BCORL1: variants seen among roughly 807,000 people sequenced by gnomAD.
BCORL1 encodes the protein BCL-6 corepressor-like protein 1.
A neutral mutation model predicts 87.6 loss-of-function variants in BCORL1; 7 were observed. The ratio of observed to expected loss-of-function variants is 0.08; its 90% CI spans 0.05 to 0.15. The LOEUF (loss-of-function observed/expected upper bound fraction) is 0.15, where lower values mean the gene tolerates loss of function less well. BCORL1 is among the 10% of genes least tolerant of loss of function. The probability of loss-of-function intolerance (pLI) is 1.00; values close to 1 mark genes in which losing one functional copy is unlikely to be tolerated. For missense variants in BCORL1, 1,215 were observed against 1,499.7 expected (o/e 0.81, Z 3.13); for synonymous variants, 591 against 634.4 (o/e 0.93, Z 1.03).
At chrX:129,985,949 C>T (rs756795085) in intron 1 of BCORL1, among the ~76,000 whole-genome samples, 48 of 110,622 alleles carry the variant, frequency 4.3e-4, no homozygotes, top group African/African-American at 1.5e-3. Flanking sequence ...TCCTGGGTTC[C>T]GGTGATTCTC....
At chrX:130,035,362 A>G (rs939826797) in intron 9 of BCORL1, among the ~76,000 whole-genome samples, 8 of 112,445 alleles carry the variant, frequency 7.1e-5, no homozygotes, top group African/African-American at 2.6e-4. Flanking sequence ...GTGCCAGGGT[A>G]GGTGGAAGAC....
At chrX:129,997,061 G>A (rs183798341) in intron 1 of BCORL1, among the ~76,000 whole-genome samples, 18 of 111,098 alleles carry the variant, frequency 1.6e-4, no homozygotes, top group African/African-American at 5.6e-4. Flanking sequence ...GCTTGTAATT[G>A]TTGTGAAATC....
intron 8 of BCORL1, 69 bp downstream of exon 8, chrX:130,028,930 TGGGGGA>T: frequency 2.8e-5 from 2 of 71,872 alleles, no homozygotes; most frequent in Admixed American, 2.1e-4. Context: ...AGGAGGGGGG[TGGGGGA>T]TGGGGAGGAT....
intron 10 of BCORL1, among the ~76,000 whole-genome samples, chrX:130,038,484 C>T (rs79590387): frequency 2.9e-5 from 3 of 102,575 alleles, no homozygotes; most frequent in African/African-American, 1.2e-4. Context: ...GTTGCCCCCA[C>T]CTTTTTTTTT....
intron 8 of BCORL1, among the ~76,000 whole-genome samples, chrX:130,029,102 G>A (rs755419660): frequency 8.5e-4 from 95 of 112,126 alleles, no homozygotes; most frequent in Non-Finnish European, 1.4e-3. Context: ...AGTTAAGGAA[G>A]AGTTAAAGAA....
intron 1 of BCORL1, among the ~76,000 whole-genome samples, chrX:129,994,065 C>T (rs1020229465): frequency 5.3e-5 from 6 of 112,754 alleles, no homozygotes; most frequent in East Asian, 2.8e-4. Context: ...GGATTACAGG[C>T]GTGAGCCACC....
In BCORL1 at chrX:130,056,281, C is replaced by T. The variant is rs985243910; in HGVS notation, c.*145C>T. 14 of 608,069 alleles carry T rather than the reference C, an allele frequency of 2.3e-5. No homozygotes were observed. Among genetic ancestry groups the T allele is most frequent in the Admixed American group, 9.6e-5 (2 of 20,774 alleles). 50.1% of individuals were successfully genotyped at this position (608,069 alleles called of 1,213,427 possible). ...GCCGCCTTATCAATGCCAGCATTAGCGACTGGACTGTTTTTGTTTTTTTGG... is the reference window on the plus strand; with the variant it reads ...GCCGCCTTATCAATGCCAGCATTAGTGACTGGACTGTTTTTGTTTTTTTGG... On this transcript the variant is annotated 3_prime_UTR_variant, in exon 14 of 14. Transcript: ENST00000540052.
intron 1 of BCORL1, among the ~76,000 whole-genome samples, chrX:130,004,241 G>GTTTT (rs1189082044): frequency 2.0e-4 from 17 of 85,588 alleles, no homozygotes; most frequent in African/African-American, 6.2e-4. Flanking sequence ...GAAATGTGTG[G>GTTTT]TTTTTTTTTT....
At chrX:130,047,965 C>T (rs1931856953) in intron 11 of BCORL1, among the ~76,000 whole-genome samples, 1 of 111,694 alleles carries the variant, frequency 9.0e-6, no homozygotes, top group South Asian at 3.7e-4. Context: ...ACTTCCAACC[C>T]TCAAGTGACA....
chrX:130,049,763 T>C (rs1389948911), intron 11 of BCORL1, among the ~76,000 whole-genome samples: 2 of 112,698 alleles, frequency 1.8e-5, no homozygotes. Flanking sequence ...CATTTCCCCA[T>C]GTTCTTCAAA....
At chrX:129,985,875 A>G (rs56358075) in intron 1 of BCORL1, among the ~76,000 whole-genome samples, 7 of 107,984 alleles carry the variant, frequency 6.5e-5, no homozygotes, top group Non-Finnish European at 1.3e-4. Flanking sequence ...TTTTTTTTAG[A>G]TGGAGTCTCA....
chrX:130,026,314 G>T (rs1930242951), intron 7 of BCORL1, among the ~76,000 whole-genome samples: 1 of 112,305 alleles, frequency 8.9e-6, no homozygotes, highest in Admixed American at 9.4e-5. Flanking sequence ...TAGAGTCCAG[G>T]TTTGCTATAA....
At chrX:130,032,240 A>C (rs968975256) in intron 8 of BCORL1, among the ~76,000 whole-genome samples, 1 of 111,748 alleles carries the variant, frequency 8.9e-6, no homozygotes, top group African/African-American at 3.3e-5. Context: ...GGTTGCAGTC[A>C]GGTGTCAGCC....
intron 7 of BCORL1, 50 bp from the exon 8 acceptor site, chrX:130,028,585 C>T: frequency 9.2e-7 from 1 of 1,091,966 alleles, no homozygotes; most frequent in Non-Finnish European, 1.3e-6. Context: ...CGTTGCTTTT[C>T]TGTGTTCCAT....
intron 1 of BCORL1, among the ~76,000 whole-genome samples, 182 bp from the exon 2 acceptor site, chrX:130,005,006 C>T (rs1643268776): frequency 1.8e-5 from 2 of 112,803 alleles, no homozygotes; most frequent in African/African-American, 6.4e-5. Context: ...ATCCTGAAAC[C>T]TATGGATTCC....
At chrX:129,982,917 T>C (rs1926238948) in intron 1 of BCORL1, among the ~76,000 whole-genome samples, 155 bp downstream of exon 1, 1 of 103,716 alleles carries the variant, frequency 9.6e-6, no homozygotes, top group Admixed American at 1.0e-4. Flanking sequence ...TCTCCCCCAA[T>C]CCCTCCACCC....
chrX:129,990,398 A>AT (rs1193499411), intron 1 of BCORL1, among the ~76,000 whole-genome samples: 3 of 108,913 alleles, frequency 2.8e-5, no homozygotes, highest in Non-Finnish European at 3.8e-5. Flanking sequence ...TGCCCGGCTA[A>AT]TTTTTTGTAT....
chrX:130,008,241 C>T (rs1476433480), intron 2 of BCORL1, among the ~76,000 whole-genome samples: 5 of 109,263 alleles, frequency 4.6e-5, no homozygotes, highest in Non-Finnish European at 9.5e-5. Flanking sequence ...CCTTCTAAAC[C>T]TGTGCCTAGT....
chrX:130,049,659 C>A (rs902695569), intron 11 of BCORL1, among the ~76,000 whole-genome samples: 1 of 112,468 alleles, frequency 8.9e-6, no homozygotes, highest in Non-Finnish European at 1.9e-5. Flanking sequence ...TGCCCGGCCT[C>A]ATGTGTAAGT....
Sources: gnomAD v4.1 joint callset for allele counts (sites outside exome capture counted in the v4.1 genomes callset) on GRCh38, gnomAD v4.1.1 for gene constraint, MANE v1.5 for transcripts, NCBI Gene and HGNC (gene_info 2026-07-23, HGNC 2026-07-21) for gene names.